Variants in SMIM3 observed in about 807,000 individuals in gnomAD.
The protein encoded by SMIM3 is small integral membrane protein 3.
SMIM3 carries 4 observed loss-of-function variants against 2.1 expected under a neutral mutation model. The ratio of observed to expected loss-of-function variants is 1.89; its 90% CI spans 0.93 to 4.31. The LOEUF (loss-of-function observed/expected upper bound fraction) is 4.31. Among genes scored for constraint, SMIM3 ranks in the 30% most tolerant of loss-of-function variants. The probability of loss-of-function intolerance (pLI) is 0.01; values close to 1 mark genes in which losing one functional copy is unlikely to be tolerated. For synonymous variants in SMIM3, 29 were observed against 30.8 expected (o/e 0.94, Z 0.19); for missense variants, 79 against 77.7 (o/e 1.02, Z -0.06).
At chr5:150,779,081 T>G in intron 1 of SMIM3, 109 bp downstream of exon 1, 6 of 443,356 alleles carry the variant, frequency 1.4e-5, no homozygotes, top group Non-Finnish European at 2.8e-5. Context: ...CCAACGTTCT[T>G]CTTTATGTCC....
chr5:150,783,919 T>C (rs981139504), intron 1 of SMIM3, among the ~76,000 whole-genome samples: 2 of 123,372 alleles, frequency 1.6e-5, no homozygotes, highest in East Asian at 3.5e-4. Flanking sequence ...ACTCCCTTTT[T>C]TTTTTTTTTT....
In SMIM3 at chr5:150,791,332, A is replaced by AT. The variant is rs536248118; in HGVS notation, c.-11-4091dup. Among the ~76,000 whole-genome samples, 14 of 152,172 alleles carry AT rather than the reference A, an allele frequency of 9.2e-5. No individual in the cohort carries two copies. The South Asian group carries it at 1.7e-3, about 18-fold the overall frequency. ...TCTTAAATGACTAATAAATAAATTAATTTTTTTATCTCAGTACTTATTTAT... is the reference window on the plus strand; with the variant it reads ...TCTTAAATGACTAATAAATAAATTAATTTTTTTTATCTCAGTACTTATTTAT... On this transcript the variant is annotated intron_variant, in intron 1 of 1. Transcript: ENST00000526627.
chr5:150,795,303 A>G, intron 1 of SMIM3, 127 bp from the exon 2 acceptor site: 1 of 958,806 alleles, frequency 1.0e-6, no homozygotes, highest in Non-Finnish European at 1.7e-6. Context: ...GTAATTACTA[A>G]TCAGGGAACC....
chr5:150,780,728 G>T (rs970154059), intron 1 of SMIM3, among the ~76,000 whole-genome samples: 8 of 152,132 alleles, frequency 5.3e-5, no homozygotes, highest in Admixed American at 4.6e-4. Flanking sequence ...TCAGCCATAC[G>T]CCAATCCTTT....
Position 150,778,896 on chromosome 5 carries a change from G to T in SMIM3, c.-88G>T, listed in dbSNP as rs772996443. On this transcript the variant is annotated 5_prime_UTR_variant, in exon 1 of 2. Coordinates refer to ENST00000526627, the MANE Select transcript of SMIM3 (RefSeq NM_032947.5). The stretch of plus-strand genomic sequence containing the variant: ...GGGTCGCTTCCAGCTGCCAGATCCC[G>T]TGCAGTCCTGGGGACCCTGAGAAGC... 3 of 505,076 alleles carry T rather than the reference G, an allele frequency of 5.9e-6. No individual in the cohort carries two copies. Among genetic ancestry groups the T allele is most frequent in the African/African-American group, 2.0e-5 (1 of 51,164 alleles). 31.3% of individuals were successfully genotyped at this position (505,076 alleles called of 1,614,324 possible).
At chr5:150,792,622 C>A (rs1488817487) in intron 1 of SMIM3, among the ~76,000 whole-genome samples, 1 of 152,110 alleles carries the variant, frequency 6.6e-6, no homozygotes, top group Non-Finnish European at 1.5e-5. Context: ...GTAGCCTGGA[C>A]CTCCTGGGCT....
intron 1 of SMIM3, among the ~76,000 whole-genome samples, chr5:150,781,094 G>C (rs1753228313): frequency 6.6e-6 from 1 of 152,200 alleles, no homozygotes; most frequent in Admixed American, 6.5e-5. Context: ...TTATGGATGA[G>C]GAAACTGAGG....
chr5:150,784,057 T>G (rs1753265251), intron 1 of SMIM3, among the ~76,000 whole-genome samples: 1 of 151,752 alleles, frequency 6.6e-6, no homozygotes, highest in African/African-American at 2.4e-5. Flanking sequence ...TAGCTGGGAC[T>G]ACAGGTGTGC....
Position 150,795,908 on chromosome 5 carries a change from T to C in SMIM3, c.*285T>C. 2.3e-6 allele frequency: 1 copy of C among 435,930 alleles called. No individual in the cohort carries two copies. The highest frequency in any genetic ancestry group is 4.2e-6 in the Non-Finnish European group (1 of 235,770). 27.0% of individuals were successfully genotyped at this position (435,930 alleles called of 1,614,324 possible). Reference sequence around the variant, plus strand: ...GAAAGCTGTTTGTGATCAGTAAAGCTACCACAGATATAAGGGTGTTATGCT... The same window carrying C: ...GAAAGCTGTTTGTGATCAGTAAAGCCACCACAGATATAAGGGTGTTATGCT... On this transcript the variant is annotated 3_prime_UTR_variant, in exon 2 of 2. Coordinates refer to ENST00000526627, the MANE Select transcript of SMIM3 (RefSeq NM_032947.5).
Position 150,778,776 on chromosome 5 carries a change from G to A in SMIM3, c.-208G>A. 1 of 458,468 alleles carries A rather than the reference G, an allele frequency of 2.2e-6. No homozygotes were observed. The highest frequency in any genetic ancestry group is 4.5e-6 in the Non-Finnish European group (1 of 221,462). The allele number at this position is 458,468 out of a possible 1,614,324, so 28.4% of individuals were successfully genotyped here. Reference sequence around the variant, plus strand: ...AGCCGCGCATTCCAGAGCCAGCAGCGCGTCCTGGCCGCTCCTGCGCTCTCC... The same window carrying A: ...AGCCGCGCATTCCAGAGCCAGCAGCACGTCCTGGCCGCTCCTGCGCTCTCC... On this transcript the variant is annotated 5_prime_UTR_variant, in exon 1 of 2. Coordinates refer to ENST00000526627, the MANE Select transcript of SMIM3 (RefSeq NM_032947.5).
rs1032194229 is a variant in SMIM3 at position 150,796,154 on chromosome 5, T to G, written c.*531T>G. On this transcript the variant is annotated 3_prime_UTR_variant, in exon 2 of 2. Coordinates refer to ENST00000526627, the MANE Select transcript of SMIM3 (RefSeq NM_032947.5). ...CATGTTTTCTCAGTTTGGAGGGTGA[T>G]GGGTAGAGCTTTCCAGAACCTTCTC... The G allele has an allele frequency of 6.4e-6, 1 of 156,682 alleles. No homozygotes were observed. Among genetic ancestry groups the G allele is most frequent in the East Asian group, 1.8e-4 (1 of 5,482 alleles). 9.7% of individuals were successfully genotyped at this position (156,682 alleles called of 1,614,324 possible).
chr5:150,780,705 C>T (rs1008684266), intron 1 of SMIM3, among the ~76,000 whole-genome samples: 1 of 152,156 alleles, frequency 6.6e-6, no homozygotes, highest in Non-Finnish European at 1.5e-5. Flanking sequence ...CAGTCACAGC[C>T]TCAGATGCTT....
chr5:150,793,837 A>G (rs1343531660), intron 1 of SMIM3, among the ~76,000 whole-genome samples: 1 of 152,250 alleles, frequency 6.6e-6, no homozygotes, highest in Non-Finnish European at 1.5e-5. Flanking sequence ...TAATTAAACT[A>G]AAGAGCTTTT....
intron 1 of SMIM3, among the ~76,000 whole-genome samples, chr5:150,779,829 A>ACCCC (rs5872180): frequency 1.2e-3 from 130 of 110,978 alleles, no homozygotes; most frequent in African/African-American, 1.9e-3. Flanking sequence ...GAAAGGTGTA[A>ACCCC]CCCCCCCCGC....
intron 1 of SMIM3, among the ~76,000 whole-genome samples, chr5:150,792,821 C>T (rs996424047): frequency 3.3e-5 from 5 of 152,206 alleles, no homozygotes; most frequent in South Asian, 2.1e-4. Context: ...GGGTTATAGG[C>T]GTGAGCCATT....
chr5:150,795,406 A>G lies in SMIM3; in HGVS notation c.-11-24A>G, dbSNP rs367708047. Reference sequence around the variant, plus strand: ...GGCAGGGAGAGAGTACGCAACAGTGATCTTCCTTTCTTGTCTGTTGCAGAG... The same window carrying G: ...GGCAGGGAGAGAGTACGCAACAGTGGTCTTCCTTTCTTGTCTGTTGCAGAG... On this transcript the variant is annotated intron_variant, in intron 1 of 1. Transcript: ENST00000526627. The G allele has an allele frequency of 5.0e-6, 8 of 1,613,266 alleles. No homozygotes were observed. The African/African-American group carries it at 6.7e-5, about 13-fold the overall frequency.
intron 1 of SMIM3, among the ~76,000 whole-genome samples, chr5:150,785,100 T>C (rs1181290162): frequency 6.9e-6 from 1 of 145,910 alleles, no homozygotes; most frequent in Non-Finnish European, 1.5e-5. Flanking sequence ...TTTTTTTTTT[T>C]TTTTTGAGAT....
chr5:150,782,063 T>C (rs1207859206), intron 1 of SMIM3, among the ~76,000 whole-genome samples: 1 of 152,212 alleles, frequency 6.6e-6, no homozygotes. Context: ...CAGGCAGGTC[T>C]GTAGTCTGTT....
intron 1 of SMIM3, 96 bp downstream of exon 1, chr5:150,779,068 C>T (rs550927232): frequency 4.1e-4 from 183 of 451,614 alleles, no homozygotes; most frequent in Non-Finnish European, 6.7e-4. Flanking sequence ...TTTCCCCGGG[C>T]TCCCAACGTT....
Sources: allele counts gnomAD v4.1 joint callset (sites outside exome capture counted in the v4.1 genomes callset), GRCh38; gene constraint gnomAD v4.1.1; transcripts MANE v1.5; gene names NCBI Gene and HGNC (gene_info 2026-07-23, HGNC 2026-07-21).